Variants in LIPE observed in about 807,000 individuals in gnomAD.
The protein encoded by LIPE is lipase E, hormone sensitive type.
In LIPE, 66 loss-of-function variants were observed where a neutral mutation model predicts 88.5. The observed-to-expected ratio is 0.75, with a 90% CI of 0.61 to 0.91. The LOEUF (loss-of-function observed/expected upper bound fraction) is 0.91. LIPE is among the 40% of genes least tolerant of loss of function. The probability of loss-of-function intolerance (pLI) is 0.00; values close to 1 mark genes in which losing one functional copy is unlikely to be tolerated. For missense variants in LIPE, 1,346 were observed against 1,434.7 expected, an observed-to-expected ratio of 0.94 and a Z score of 1.00; for synonymous variants, 570 against 617.5, an observed-to-expected ratio of 0.92 and a Z score of 1.14.
At position 42,401,710 on chromosome 19, in the gene LIPE, C is replaced by CCCT; in HGVS notation, c.*101_*102insAGG. 4.8e-6 allele frequency: 2 copies of CCCT among 416,280 alleles called. No individual in the cohort carries two copies. Among genetic ancestry groups the CCCT allele is most frequent in the Non-Finnish European group, 7.9e-6 (2 of 254,338 alleles). The allele number at this position is 416,280 out of a possible 1,614,324, so 25.8% of individuals were successfully genotyped here. A position where few individuals can be genotyped will look rare whatever the true frequency, so the allele number is the denominator to read the frequency against. ...CAGCTTTCGGGCCCCCGCCCCGCCC[C>CCCT]CTTGCCACCCCCGACTTAAGTAAGG... On this transcript the variant is annotated 3_prime_UTR_variant, in exon 10 of 10. Coordinates refer to ENST00000244289, the MANE Select transcript of LIPE (RefSeq NM_005357.4).
intron 2 of LIPE, among the ~76,000 whole-genome samples, chr19:42,409,214 G>A (rs13343834): frequency 0.023 from 3,428 of 151,996 alleles, 130 homozygotes; most frequent in African/African-American, 0.076. Context: ...CCACCACGGG[G>A]GCAGGGAGAG....
chr19:42,408,555 G>T lies in LIPE; in HGVS notation c.1420-233C>A. 1.9e-6 allele frequency: 1 copy of T among 515,504 alleles called. No individual in the cohort carries two copies. 31.9% of individuals were successfully genotyped at this position (515,504 alleles called of 1,614,324 possible). A position where few individuals can be genotyped will look rare whatever the true frequency, so the allele number is the denominator to read the frequency against. On this transcript the variant is annotated intron_variant, in intron 2 of 9. Coordinates refer to ENST00000244289, the MANE Select transcript of LIPE (RefSeq NM_005357.4). This position sits in a 1 kb window ranked among gnomAD's most constrained non-coding sequence, Gnocchi z 4.3. Reference sequence around the variant, plus strand: ...GCGCAGTATCATGACAAGGAATGACGAATGGTTTGGAAAAAAAAAAAGGCA... The same window carrying T: ...GCGCAGTATCATGACAAGGAATGACTAATGGTTTGGAAAAAAAAAAAGGCA...
chr19:42,409,226 C>G (rs571226972), intron 2 of LIPE, among the ~76,000 whole-genome samples: 1 of 151,924 alleles, frequency 6.6e-6, no homozygotes, highest in African/African-American at 2.4e-5. Flanking sequence ...CAGGGAGAGA[C>G]AGCGTCTGAC....
At chr19:42,405,654 C>G (rs1251883795) in intron 7 of LIPE, 93 bp from the exon 8 acceptor site, 3 of 1,235,456 alleles carry the variant, frequency 2.4e-6, no homozygotes, top group Middle Eastern at 2.3e-4. Flanking sequence ...CCCAGGGACC[C>G]GAGAATATCC....
chr19:42,403,734 C>A (rs1395650594), intron 8 of LIPE, among the ~76,000 whole-genome samples: 1 of 151,898 alleles, frequency 6.6e-6, no homozygotes, highest in Non-Finnish European at 1.5e-5. Context: ...ATTACACTTA[C>A]CACAAGGTGT....
In LIPE at chr19:42,402,604, C is replaced by T; in HGVS notation, c.2967+3G>A. On this transcript the variant is annotated splice_donor_region_variant and intron_variant, in intron 9 of 9. Transcript: ENST00000244289. ...ACCTGTACCGGCCCCCTCTGTCGCT[C>T]ACCACGATGTGCACAGGTGGCAGGC... The T allele has an allele frequency of 6.8e-7, 1 of 1,479,530 alleles. No individual in the cohort carries two copies. The allele number at this position is 1,479,530 out of a possible 1,614,324, so 91.7% of individuals were successfully genotyped here.
rs1418511116 is a variant in LIPE, at chr19:42,410,081, T to C, written c.1419+226A>G. ...GTGGATATCCTGGTGAAAAAAGCTCTGCAAGTTGCATTTCTTACCACCTAG... is the reference window on the plus strand; with the variant it reads ...GTGGATATCCTGGTGAAAAAAGCTCCGCAAGTTGCATTTCTTACCACCTAG... On this transcript the variant is annotated intron_variant, in intron 2 of 9. Coordinates refer to ENST00000244289, the MANE Select transcript of LIPE (RefSeq NM_005357.4). This position sits in a 1 kb window ranked among gnomAD's most constrained non-coding sequence, Gnocchi z 6.1. 6.6e-6 allele frequency among the ~76,000 whole-genome samples: 1 copy of C among 152,202 alleles called. No individual in the cohort carries two copies. Among genetic ancestry groups the C allele is most frequent in the Non-Finnish European group, 1.5e-5 (1 of 68,034 alleles).
Position 42,402,953 on chromosome 19 carries a change from A to G in LIPE, c.2621T>C (p.Leu874Pro), listed in dbSNP as rs773423215. ...GPLGTDSLKN[L>P]TLRDLSLRGN... ...CCTCAGGCTCAAGTCCCTCAGGGTCAGGTTCTTGAGGGAATCCGTGCCCAG... is the reference window on the plus strand; with the variant it reads ...CCTCAGGCTCAAGTCCCTCAGGGTCGGGTTCTTGAGGGAATCCGTGCCCAG... Residue 874 changes from leucine to proline, a missense_variant, in exon 9 of 10, where the codon CTG becomes CCG. By Grantham distance (98) the Leu-to-Pro change is moderately conservative. Coordinates refer to ENST00000244289, the MANE Select transcript of LIPE (RefSeq NM_005357.4). 1.2e-6 allele frequency: 2 copies of G among 1,608,244 alleles called. No homozygotes were observed. The highest frequency in any genetic ancestry group is 1.7e-6 in the Non-Finnish European group (2 of 1,179,478).
chr19:42,404,829 GT>G (rs1293616664), intron 8 of LIPE, among the ~76,000 whole-genome samples: 2 of 152,190 alleles, frequency 1.3e-5, no homozygotes, highest in Admixed American at 6.5e-5. Flanking sequence ...TGGCCAAATG[GT>G]TGGAGGCAGA....
At chr19:42,421,715 C>T (rs1264038218) in intron 1 of LIPE, among the ~76,000 whole-genome samples, 3 of 152,222 alleles carry the variant, frequency 2.0e-5, no homozygotes, top group Non-Finnish European at 4.4e-5. Context: ...CCTCAGAGCC[C>T]CAGTGTCGTC....
At position 42,402,964 on chromosome 19, in the gene LIPE, G is replaced by A. The variant is rs1190730785; in HGVS notation, c.2610C>T (p.Ser870=). 1 of 1,606,290 alleles carries A rather than the reference G, an allele frequency of 6.2e-7. No individual in the cohort carries two copies. The highest frequency in any genetic ancestry group is 1.1e-5 in the South Asian group (1 of 91,022). Residue 870 remains serine (S), a synonymous_variant, in exon 9 of 10, where the codon TCC becomes TCT. Transcript: ENST00000244289. The part of the protein sequence containing the change: ...AQPQGPLGTD[S]LKNLTLRDLS... Reference sequence around the variant, plus strand: ...AGTCCCTCAGGGTCAGGTTCTTGAGGGAATCCGTGCCCAGTGGGCCCTGGG... The same window carrying A: ...AGTCCCTCAGGGTCAGGTTCTTGAGAGAATCCGTGCCCAGTGGGCCCTGGG...
chr19:42,417,335 C>T (rs2040508241), intron 1 of LIPE, among the ~76,000 whole-genome samples: 1 of 152,176 alleles, frequency 6.6e-6, no homozygotes, highest in African/African-American at 2.4e-5. Flanking sequence ...TCATACCTCA[C>T]TGCAGCCTTG....
chr19:42,409,798 G>C (rs1301552434), intron 2 of LIPE, among the ~76,000 whole-genome samples: 1 of 152,210 alleles, frequency 6.6e-6, no homozygotes, highest in Non-Finnish European at 1.5e-5. Context: ...AATACTTGTG[G>C]GTTCAGCCCT....
chr19:42,408,485 T>C lies in LIPE; in HGVS notation c.1420-163A>G. 1.6e-6 allele frequency: 1 copy of C among 632,526 alleles called. No individual in the cohort carries two copies. The highest frequency in any genetic ancestry group is 2.8e-6 in the Non-Finnish European group (1 of 353,192). The allele number at this position is 632,526 out of a possible 1,614,324, so 39.2% of individuals were successfully genotyped here. A position where few individuals can be genotyped will look rare whatever the true frequency, so the allele number is the denominator to read the frequency against. On this transcript the variant is annotated intron_variant, in intron 2 of 9. Transcript: ENST00000244289. This position sits in a 1 kb window ranked among gnomAD's most constrained non-coding sequence, Gnocchi z 4.3. The stretch of plus-strand genomic sequence containing the variant: ...GCTCTCGGCTGGTTCACGGACCTGA[T>C]GTTCTCAAAGGGAAAACAAATGATC...
chr19:42,407,024 G>A lies in LIPE; in HGVS notation c.2137+150C>T. 1 of 690,354 alleles carries A rather than the reference G, an allele frequency of 1.4e-6. No homozygotes were observed. The highest frequency in any genetic ancestry group is 2.4e-6 in the Non-Finnish European group (1 of 423,148). The allele number at this position is 690,354 out of a possible 1,614,324, so 42.8% of individuals were successfully genotyped here. A position where few individuals can be genotyped will look rare whatever the true frequency, so the allele number is the denominator to read the frequency against. ...GGGGACAGAGGATAAAGTGGCTGAG[G>A]TGGAAGATTGGGCAGGACCTGGGTG... On this transcript the variant is annotated intron_variant, in intron 6 of 9. Coordinates refer to ENST00000244289, the MANE Select transcript of LIPE (RefSeq NM_005357.4). This position sits in a 1 kb window ranked among gnomAD's most constrained non-coding sequence, Gnocchi z 5.8.
chr19:42,422,346 A>C (rs994321532), intron 1 of LIPE, among the ~76,000 whole-genome samples: 1 of 152,146 alleles, frequency 6.6e-6, no homozygotes, highest in Non-Finnish European at 1.5e-5. Flanking sequence ...GAGGAACCGG[A>C]TCTCCGACGC....
rs2033531678 is a variant in LIPE, at chr19:42,407,577, C to G, written c.1842+29G>C. Reference sequence around the variant, plus strand: ...GCTGCCCACGCTCCTCGGCTCTGTCCCTGTCCCTGGCTGAGGCTGGAACCC... The same window carrying G: ...GCTGCCCACGCTCCTCGGCTCTGTCGCTGTCCCTGGCTGAGGCTGGAACCC... On this transcript the variant is annotated intron_variant, in intron 5 of 9. Transcript: ENST00000244289. The surrounding 1 kb of genome is among the most constrained non-coding windows in gnomAD (Gnocchi z 5.8). 3 of 1,590,524 alleles carry G rather than the reference C, an allele frequency of 1.9e-6. No individual in the cohort carries two copies. The African/African-American group carries it at 4.0e-5, about 21-fold the overall frequency.
In LIPE at chr19:42,411,744, C is replaced by T. The variant is rs529117996; in HGVS notation, c.884-902G>A. Among the ~76,000 whole-genome samples the T allele has an allele frequency of 3.9e-5, 6 of 152,334 alleles. No homozygotes were observed. The South Asian group carries it at 1.2e-3, about 32-fold the overall frequency. ...GTCCCCTGGCCTTCAGGCTTGTCCA[C>T]TGGTCCTGGGTTGCATGGCCGGCCC... On this transcript the variant is annotated intron_variant, in intron 1 of 9. Coordinates refer to ENST00000244289, the MANE Select transcript of LIPE (RefSeq NM_005357.4).
Position 42,410,400 on chromosome 19 carries a change from G to A in LIPE, c.1326C>T (p.Phe442=), listed in dbSNP as rs768480262. The A allele has an allele frequency of 3.7e-6, 6 of 1,614,194 alleles. No homozygotes were observed. Among genetic ancestry groups the A allele is most frequent in the Admixed American group, 1.7e-5 (1 of 60,028 alleles). Residue 442 remains phenylalanine, a synonymous_variant, in exon 2 of 10, where the codon TTC becomes TTT. Coordinates refer to ENST00000244289, the MANE Select transcript of LIPE (RefSeq NM_005357.4). The surrounding 1 kb of genome is among the most constrained non-coding windows in gnomAD (Gnocchi z 6.1). ...CGGTGAGCCCCTCGTCGCCCTCAAA[G>A]AAGAGTACCCCCGGCCGATTGGTAA... is the stretch of plus-strand genomic sequence containing the variant. ...LLVTNRPGVL[F]FEGDEGLTAD...
Sources: gnomAD v4.1 joint callset for allele counts (sites outside exome capture counted in the v4.1 genomes callset) on GRCh38, gnomAD v4.1.1 for gene constraint, Gnocchi (gnomAD v3.1) non-coding constraint, MANE v1.5 for transcripts, NCBI Gene and HGNC (gene_info 2026-07-23, HGNC 2026-07-21) for gene names.